GEN1: variants seen among roughly 807,000 people sequenced by gnomAD.
The protein encoded by GEN1 is flap endonuclease GEN homolog 1.
A neutral mutation model predicts 67.6 loss-of-function variants in GEN1; 64 were observed. That is an observed-to-expected ratio of 0.95 (90% CI 0.77 to 1.17). GEN1 has a LOEUF of 1.17. Among genes scored for constraint, GEN1 ranks in the 50% most tolerant of loss-of-function variants. The pLI is 0.00. For missense variants in GEN1, 1,058 were observed against 1,048.3 expected, an observed-to-expected ratio of 1.01 and a Z score of -0.13; for synonymous variants, 371 against 359.4, an observed-to-expected ratio of 1.03 and a Z score of -0.37.
At chr2:17,763,531 CT>C (rs1192395747) in intron 3 of GEN1, among the ~76,000 whole-genome samples, 1 of 152,162 alleles carries the variant, frequency 6.6e-6, no homozygotes, top group Admixed American at 6.5e-5. Flanking sequence ...CTGCTTCCTC[CT>C]AATCCACTGC....
At chr2:17,768,596 A>G (rs1672037249) in intron 5 of GEN1, 142 bp from the exon 6 acceptor site, 2 of 603,866 alleles carry the variant, frequency 3.3e-6, no homozygotes, top group Admixed American at 3.1e-5. Context: ...TATGCATAGC[A>G]GTGTATCTTG....
In GEN1 at chr2:17,779,622, A is replaced by G. The variant is rs181118635; in HGVS notation, c.1265-356A>G. 1.9e-4 allele frequency among the ~76,000 whole-genome samples: 28 copies of G among 149,646 alleles called. No homozygotes were observed. In the East Asian group the frequency reaches 5.3e-3, roughly 28 times the overall value. On this transcript the variant is annotated intron_variant, in intron 12 of 13. Coordinates refer to ENST00000381254, the MANE Select transcript of GEN1 (RefSeq NM_001130009.3). ...AAAGATTGATTTTTTTTTTTTTGAG[A>G]TGGAGTTTTGCTCTTGTTGCCCAGG... is the stretch of plus-strand genomic sequence containing the variant.
chr2:17,778,392 A>G (rs1161076450), intron 12 of GEN1, among the ~76,000 whole-genome samples: 1 of 39,694 alleles, frequency 2.5e-5, no homozygotes, highest in Non-Finnish European at 5.7e-5. Flanking sequence ...ATGTGTGTAC[A>G]TATATGTATA....
At chr2:17,753,371 C>CCTGGGAGGGGACGGCCGCCCG (rs1487450769), upstream of GEN1, among the ~76,000 whole-genome samples, 1 of 51,442 alleles carries the variant, frequency 1.9e-5, no homozygotes, top group African/African-American at 1.3e-4. Flanking sequence ...GGGGACGGCC[C>CCTGGGAGGGGACGGCCGCCCG]GGAGCAGACG....
Position 17,783,131 on chromosome 2 carries a change from C to G in GEN1, c.*1192C>G, listed in dbSNP as rs953098193. The G allele has an allele frequency of 1.1e-4, 17 of 152,206 alleles. No individual in the cohort carries two copies. The highest frequency in any genetic ancestry group is 1.0e-3 in the Admixed American group (16 of 15,268). The allele number at this position is 152,206 out of a possible 1,614,324, so 9.4% of individuals were successfully genotyped here. On this transcript the variant is annotated 3_prime_UTR_variant, in exon 14 of 14. Transcript: ENST00000381254. ...GGGGTGTAGTGGCGCCATCTTGGCT[C>G]ACTGCAACCTCTGCCTCCCAGGTTC...
At chr2:17,778,322 A>G (rs560969436) in intron 12 of GEN1, among the ~76,000 whole-genome samples, 191 of 19,100 alleles carry the variant, frequency 0.01, 41 homozygotes, top group African/African-American at 0.022. Flanking sequence ...ATACACACAC[A>G]CGTGTACATA....
At chr2:17,756,756 T>G (rs969779526) in intron 1 of GEN1, among the ~76,000 whole-genome samples, 1 of 152,188 alleles carries the variant, frequency 6.6e-6, no homozygotes, top group Admixed American at 6.5e-5. Flanking sequence ...TACTTAATGC[T>G]GAGCCATTTT....
chr2:17,769,088 C>T (rs932362478), intron 6 of GEN1, among the ~76,000 whole-genome samples: 6 of 152,054 alleles, frequency 3.9e-5, no homozygotes, highest in African/African-American at 1.2e-4. Context: ...GGCGCAATCA[C>T]TGCTCACTGC....
chr2:17,778,284 ACACACATG>A lies in GEN1; in HGVS notation c.1264+222_1264+229del, dbSNP rs1451040282. Among the ~76,000 whole-genome samples the A allele has an allele frequency of 5.1e-4, 60 of 117,064 alleles. 21 individuals are homozygous for A. The highest frequency in any genetic ancestry group is 7.9e-4 in the Non-Finnish European group (47 of 59,174). The allele number at this position is 117,064 out of a possible 152,430, so 76.8% of individuals were successfully genotyped here. On this transcript the variant is annotated intron_variant, in intron 12 of 13. Coordinates refer to ENST00000381254, the MANE Select transcript of GEN1 (RefSeq NM_001130009.3). ...TATGTGTGTACATATATGTATATAC[ACACACATG>A]TGTGTGTACATATATGTATATACAC...
rs1673081612 is a variant in GEN1, at chr2:17,787,037, C to G, written c.*5098C>G. The G allele has an allele frequency of 6.6e-6, 1 of 152,190 alleles. No individual in the cohort carries two copies. Among genetic ancestry groups the G allele is most frequent in the African/African-American group, 2.4e-5 (1 of 41,432 alleles). 9.4% of individuals were successfully genotyped at this position (152,190 alleles called of 1,614,324 possible). On this transcript the variant is annotated 3_prime_UTR_variant, in exon 14 of 14. Coordinates refer to ENST00000381254, the MANE Select transcript of GEN1 (RefSeq NM_001130009.3). ...AGTCATGAACCTTGGCTCTAGCCACCTAAGACCATTTGTTATTCCCTGCAC... is the reference window on the plus strand; with the variant it reads ...AGTCATGAACCTTGGCTCTAGCCACGTAAGACCATTTGTTATTCCCTGCAC...
At chr2:17,765,279 G>A (rs1671874644) in intron 4 of GEN1, 1 of 500,682 alleles carries the variant, frequency 2.0e-6, no homozygotes, top group African/African-American at 2.0e-5. Context: ...AACTTGACTT[G>A]TTTGTTTCAC....
chr2:17,757,185 ATGGGG>A (rs1333760973), intron 1 of GEN1, among the ~76,000 whole-genome samples: 1 of 151,546 alleles, frequency 6.6e-6, no homozygotes. Flanking sequence ...GATATTATTT[ATGGGG>A]TTAAAAGCCC....
chr2:17,755,736 A>AT (rs1210021827), intron 1 of GEN1: 3 of 152,228 alleles, frequency 2.0e-5, no homozygotes, highest in African/African-American at 7.2e-5. Flanking sequence ...ACTTGCTTTA[A>AT]TAAAGTGTGT....
intron 10 of GEN1, among the ~76,000 whole-genome samples, 176 bp downstream of exon 10, chr2:17,773,475 T>G (rs1672287622): frequency 6.6e-6 from 1 of 152,120 alleles, no homozygotes; most frequent in Admixed American, 6.6e-5. Flanking sequence ...CTTTGCACAC[T>G]ATAAGACAAA....
At chr2:17,763,705 T>G (rs796942316) in intron 3 of GEN1, among the ~76,000 whole-genome samples, 4 of 152,312 alleles carry the variant, frequency 2.6e-5, no homozygotes, top group African/African-American at 9.6e-5. Flanking sequence ...TACAAGAAGT[T>G]GAAATAACTG....
chr2:17,757,988 A>G (rs1449089084), intron 1 of GEN1, among the ~76,000 whole-genome samples: 1 of 152,210 alleles, frequency 6.6e-6, no homozygotes. Context: ...ACATATTCAT[A>G]CCTGTTTTCA....
chr2:17,766,587 T>G lies in GEN1; in HGVS notation c.534T>G (p.His178Gln), dbSNP rs769568929. 3.8e-6 allele frequency: 6 copies of G among 1,572,616 alleles called. No homozygotes were observed. Among genetic ancestry groups the G allele is most frequent in the Non-Finnish European group, 5.2e-6 (6 of 1,145,574 alleles). Residue 178 changes from histidine (H) to glutamine (Q), a missense_variant, in exon 5 of 14, where the codon CAT (histidine) becomes CAG (glutamine). By Grantham distance (24) the His-to-Gln change is conservative. Coordinates refer to ENST00000381254, the MANE Select transcript of GEN1 (RefSeq NM_001130009.3). ...RNFTMNTKDP[H>Q]VDCYTMSSIK... ...ATCTGTTCTTTCTTTAGGACCCACA[T>G]GTTGACTGTTACACAATGTCATCTA... is the stretch of plus-strand genomic sequence containing the variant.
chr2:17,776,115 CAAA>C (rs34705905), intron 11 of GEN1, among the ~76,000 whole-genome samples: 5 of 80,676 alleles, frequency 6.2e-5, no homozygotes, highest in South Asian at 4.2e-4. Flanking sequence ...GACCCTGTCT[CAAA>C]AAAAAAAAAA....
At chr2:17,770,405 C>T (rs1672125874) in intron 6 of GEN1, among the ~76,000 whole-genome samples, 1 of 152,018 alleles carries the variant, frequency 6.6e-6, no homozygotes, top group Non-Finnish European at 1.5e-5. Context: ...TTAGAAATTC[C>T]AGAAGCTAAA....
Sources: gnomAD v4.1 joint callset for allele counts (sites outside exome capture counted in the v4.1 genomes callset) on GRCh38, gnomAD v4.1.1 for gene constraint, MANE v1.5 for transcripts, NCBI Gene and HGNC (gene_info 2026-07-23, HGNC 2026-07-21) for gene names.